Variants in TRAPPC9 observed in about 807,000 individuals in gnomAD.
The protein encoded by TRAPPC9 is trafficking protein particle complex subunit 9.
Under a neutral mutation model 124.0 loss-of-function variants are expected in TRAPPC9, and 83 were observed. The ratio of observed to expected loss-of-function variants is 0.67; its 90% CI spans 0.56 to 0.80. The LOEUF is 0.80. TRAPPC9 is among the 30% of genes least tolerant of loss of function. The pLI is 0.00. For synonymous variants in TRAPPC9, 638 were observed against 617.5 expected (o/e 1.03, Z -0.49); for missense variants, 1,302 against 1,508.3 (o/e 0.86, Z 2.27).
chr8:140,133,068 C>G (rs2061234558), intron 17 of TRAPPC9, among the ~76,000 whole-genome samples: 1 of 152,188 alleles, frequency 6.6e-6, no homozygotes, highest in South Asian at 2.1e-4. Context: ...GTAAGGCCAG[C>G]AGCATCACCC....
chr8:140,108,554 C>T (rs998136966), intron 17 of TRAPPC9, among the ~76,000 whole-genome samples: 11 of 152,230 alleles, frequency 7.2e-5, no homozygotes, highest in African/African-American at 7.2e-5. Flanking sequence ...CCGACATCTA[C>T]GCCTACCCTC....
intron 18 of TRAPPC9, 120 bp from the exon 19 acceptor site, chr8:139,988,956 C>A: frequency 1.4e-6 from 1 of 725,130 alleles, no homozygotes; most frequent in Non-Finnish European, 2.5e-6. Context: ...ATCGAAATGC[C>A]AAGTGCTCCT....
Position 140,283,887 on chromosome 8 carries a change from A to C in TRAPPC9, c.2114+2T>G. 1 of 1,613,626 alleles carries C rather than the reference A, an allele frequency of 6.2e-7. No individual in the cohort carries two copies. Among genetic ancestry groups the C allele is most frequent in the Non-Finnish European group, 8.5e-7 (1 of 1,179,976 alleles). ...CTGCTCTGTGACCCTCGTGCACACT[A>C]CCTGGGCAGAGAGGTGCTGATCTGC... On this transcript the variant is annotated splice_donor_variant, in intron 14 of 22. Transcript: ENST00000438773. LOFTEE classifies it high-confidence loss of function.
At chr8:140,017,645 T>A (rs1431940139) in intron 18 of TRAPPC9, among the ~76,000 whole-genome samples, 1 of 152,214 alleles carries the variant, frequency 6.6e-6, no homozygotes. Context: ...TGTCTTAAAA[T>A]CATACAGTGT....
Position 139,897,730 on chromosome 8 carries a change from G to A in TRAPPC9, c.2965-11761C>T, listed in dbSNP as rs187440811. Among the ~76,000 whole-genome samples the A allele has an allele frequency of 2.6e-5, 4 of 152,316 alleles. No individual in the cohort carries two copies. In the East Asian group the frequency reaches 7.7e-4, roughly 30 times the overall value. ...TCACCCCAGTGGGGTTTCAAATTCGGGGTCTGCTGCTCCAAGAGCAGTGCC... is the reference window on the plus strand; with the variant it reads ...TCACCCCAGTGGGGTTTCAAATTCGAGGTCTGCTGCTCCAAGAGCAGTGCC... On this transcript the variant is annotated intron_variant, in intron 20 of 22. Coordinates refer to ENST00000438773, the MANE Select transcript of TRAPPC9 (RefSeq NM_001160372.4).
At chr8:140,336,493 C>T (rs1448558187) in intron 9 of TRAPPC9, among the ~76,000 whole-genome samples, 2 of 152,158 alleles carry the variant, frequency 1.3e-5, no homozygotes, top group Non-Finnish European at 2.9e-5. Context: ...CCTGCCCTTC[C>T]CCAGCCCCAA....
chr8:140,317,987 T>A (rs1414897387), intron 9 of TRAPPC9, among the ~76,000 whole-genome samples: 1 of 152,158 alleles, frequency 6.6e-6, no homozygotes, highest in East Asian at 1.9e-4. Flanking sequence ...CAAAAAATAA[T>A]TATTAATGTT....
chr8:139,731,285 C>T, intron 22 of TRAPPC9, 57 bp from the exon 23 acceptor site: 4 of 1,594,842 alleles, frequency 2.5e-6, no homozygotes, highest in Non-Finnish European at 3.4e-6. Flanking sequence ...CCACCCAAAG[C>T]CACCAGGAAT....
chr8:140,149,484 G>C (rs376963485), intron 17 of TRAPPC9, among the ~76,000 whole-genome samples: 4 of 152,074 alleles, frequency 2.6e-5, no homozygotes, highest in Admixed American at 6.5e-5. Flanking sequence ...GCCGGGTGTG[G>C]TGGCACCTGC....
chr8:139,978,167 G>A (rs374265635), intron 19 of TRAPPC9, among the ~76,000 whole-genome samples: 8 of 152,082 alleles, frequency 5.3e-5, no homozygotes, highest in African/African-American at 1.7e-4. Flanking sequence ...TGTGAGCCAC[G>A]GCGCCCGGCT....
At chr8:139,747,140 T>C (rs1018959117) in intron 21 of TRAPPC9, among the ~76,000 whole-genome samples, 16 of 152,154 alleles carry the variant, frequency 1.1e-4, no homozygotes, top group African/African-American at 3.6e-4. Flanking sequence ...TTTTTCATCT[T>C]CTCTCAAGCC....
chr8:140,183,296 C>T (rs1031591501), intron 17 of TRAPPC9, among the ~76,000 whole-genome samples: 3 of 152,168 alleles, frequency 2.0e-5, no homozygotes, highest in Non-Finnish European at 4.4e-5. Flanking sequence ...TGGAACAAAA[C>T]GTGTCCTTCT....
At position 140,450,847 on chromosome 8, in the gene TRAPPC9, G is replaced by A. The variant is rs765644558; in HGVS notation, c.527C>T (p.Pro176Leu). The A allele has an allele frequency of 6.2e-7, 1 of 1,613,756 alleles. No homozygotes were observed. The highest frequency in any genetic ancestry group is 2.2e-5 in the East Asian group (1 of 44,878). The change falls in exon 2 of 23, where the codon CCC (proline) becomes CTC (leucine). Residue 176 changes from proline (P) to leucine (L), a missense_variant. Physicochemically the swap from Pro to Leu is moderately conservative, Grantham distance 98. Coordinates refer to ENST00000438773, the MANE Select transcript of TRAPPC9 (RefSeq NM_001160372.4). ...RATDKSGDKI[P>L]LLCVPFEKKD... ...TTTCTCAAACGGGACACAGAGAAGGGGGATCTTATCCCCAGACTTGTCTGT... is the reference window on the plus strand; with the variant it reads ...TTTCTCAAACGGGACACAGAGAAGGAGGATCTTATCCCCAGACTTGTCTGT...
chr8:140,212,745 T>C (rs924392152), intron 17 of TRAPPC9, among the ~76,000 whole-genome samples: 10 of 152,200 alleles, frequency 6.6e-5, no homozygotes, highest in Non-Finnish European at 1.0e-4. Context: ...GCCCCAAAAT[T>C]TTCTCTATGG....
intron 15 of TRAPPC9, among the ~76,000 whole-genome samples, chr8:140,261,571 T>C (rs2131554839): frequency 6.6e-6 from 1 of 152,346 alleles, no homozygotes; most frequent in South Asian, 2.1e-4. Context: ...TCCTAGTAGC[T>C]GGAAGTAAAA....
At chr8:140,271,941 C>G (rs984275573) in intron 15 of TRAPPC9, among the ~76,000 whole-genome samples, 2 of 151,248 alleles carry the variant, frequency 1.3e-5, no homozygotes, top group Non-Finnish European at 3.0e-5. Flanking sequence ...GTAGTGGTAG[C>G]AGCAGTGATG....
At chr8:140,134,454 C>CGG (rs920413507) in intron 17 of TRAPPC9, among the ~76,000 whole-genome samples, 2 of 152,058 alleles carry the variant, frequency 1.3e-5, no homozygotes, top group African/African-American at 4.8e-5. Context: ...TTAGTAGAGA[C>CGG]GGGGTTTCAC....
At chr8:139,837,318 A>T (rs753633075) in intron 21 of TRAPPC9, among the ~76,000 whole-genome samples, 4 of 152,144 alleles carry the variant, frequency 2.6e-5, no homozygotes, top group Non-Finnish European at 4.4e-5. Context: ...CCCAGTGCAC[A>T]GCTGCCACGG....
At chr8:139,734,635 C>A (rs1456998048) in intron 21 of TRAPPC9, among the ~76,000 whole-genome samples, 1 of 152,246 alleles carries the variant, frequency 6.6e-6, no homozygotes, top group African/African-American at 2.4e-5. Context: ...ACCATTTGGT[C>A]CCATTCATTC....
Sources: allele counts gnomAD v4.1 joint callset (sites outside exome capture counted in the v4.1 genomes callset), GRCh38; gene constraint gnomAD v4.1.1; transcripts MANE v1.5; gene names NCBI Gene and HGNC (gene_info 2026-07-23, HGNC 2026-07-21).